Variants in DMD observed in about 807,000 individuals in gnomAD.
The protein encoded by DMD is dystrophin.
In DMD, 63 loss-of-function variants were observed where a neutral mutation model predicts 330.1. The ratio of observed to expected loss-of-function variants is 0.19; its 90% confidence interval spans 0.16 to 0.24. The LOEUF is 0.24. Ranked by LOEUF, DMD falls within the 10% of genes least tolerant of loss-of-function variation. The pLI is 1.00. For synonymous variants in DMD, 1,223 were observed against 959.8 expected (o/e 1.27, Z -5.07); for missense variants, 3,344 against 2,684.1 (o/e 1.25, Z -5.43).
intron 9 of DMD, among the ~76,000 whole-genome samples, chrX:32,664,640 G>A (rs1181735488): frequency 8.9e-6 from 1 of 112,137 alleles, no homozygotes; most frequent in Non-Finnish European, 1.9e-5. Flanking sequence ...GAAGGCTATA[G>A]TGAAACCTTA....
intron 56 of DMD, among the ~76,000 whole-genome samples, chrX:31,498,999 T>G (rs1182282560): frequency 8.9e-6 from 1 of 111,767 alleles, no homozygotes; most frequent in Non-Finnish European, 1.9e-5. Flanking sequence ...GCATGTAATG[T>G]GTAATGGTTA....
rs2093538344 is a variant in DMD, at chrX:33,009,335, TAC to T, written c.93+10802_93+10803del. ...GTGTGTATATGTGTATATGTGTATATACACGTGTATATACACATGTGTGTATA... is the reference window on the plus strand; with the variant it reads ...GTGTGTATATGTGTATATGTGTATATACGTGTATATACACATGTGTGTATA... On this transcript the variant is annotated intron_variant, in intron 2 of 78. Transcript: ENST00000357033. 1.8e-4 allele frequency among the ~76,000 whole-genome samples: 10 copies of T among 54,197 alleles called. 1 individual carries two copies. The highest frequency in any genetic ancestry group is 8.1e-4 in the African/African-American group (10 of 12,291). 47.1% of individuals were successfully genotyped at this position (54,197 alleles called of 115,157 possible).
chrX:31,973,225 C>T (rs1031210083), intron 44 of DMD, among the ~76,000 whole-genome samples: 3 of 102,811 alleles, frequency 2.9e-5, no homozygotes, highest in Non-Finnish European at 4.0e-5. Flanking sequence ...ATAGTCAGAA[C>T]AATTGAAAGA....
At chrX:32,388,341 C>CTTTTTTTTTTTT (rs3044988) in intron 32 of DMD, among the ~76,000 whole-genome samples, 837 of 78,292 alleles carry the variant, frequency 0.011, 27 homozygotes, top group African/African-American at 0.039. Flanking sequence ...TTATGCTTTC[C>CTTTTTTTTTTTT]TTTTTTTTTT....
At chrX:32,132,258 A>T (rs2096699406) in intron 44 of DMD, among the ~76,000 whole-genome samples, 1 of 112,112 alleles carries the variant, frequency 8.9e-6, no homozygotes, top group African/African-American at 3.2e-5. Flanking sequence ...ACTCTAAAAA[A>T]TGTGCAAGGA....
intron 2 of DMD, among the ~76,000 whole-genome samples, chrX:32,946,630 C>G (rs752158621): frequency 8.9e-6 from 1 of 112,310 alleles, no homozygotes; most frequent in South Asian, 3.6e-4. Flanking sequence ...TATAACAAAA[C>G]AGATATATCA....
intron 2 of DMD, among the ~76,000 whole-genome samples, chrX:32,857,372 A>G (rs1215510567): frequency 1.8e-5 from 2 of 112,209 alleles, no homozygotes; most frequent in Non-Finnish European, 3.8e-5. Context: ...CAAGAACTTC[A>G]TATCTAACCT....
At chrX:31,437,499 T>C (rs765824202) in intron 60 of DMD, among the ~76,000 whole-genome samples, 63 of 111,432 alleles carry the variant, frequency 5.7e-4, no homozygotes, top group Admixed American at 3.4e-3. Context: ...TGCTAGATTT[T>C]GAAAACTTTT....
intron 7 of DMD, among the ~76,000 whole-genome samples, chrX:32,732,208 G>T (rs751348600): frequency 1.8e-5 from 2 of 111,023 alleles, no homozygotes; most frequent in South Asian, 3.9e-4. Flanking sequence ...GGGAAGTTTA[G>T]AGGAAAAAGA....
intron 67 of DMD, among the ~76,000 whole-genome samples, chrX:31,186,893 C>T (rs1045694045): frequency 7.1e-5 from 8 of 112,589 alleles, no homozygotes; most frequent in African/African-American, 2.3e-4. Context: ...CTTACAGCCA[C>T]TACACCACCC....
Position 31,729,701 on chromosome X carries a change from G to T in DMD, c.7590C>A (p.Leu2530=). The change falls in exon 52 of 79, where the codon CTC becomes CTA. Residue 2530 remains leucine, a synonymous_variant. Transcript: ENST00000357033. ...TTTTCAAATTTTGGGCAGCGGTAAT[G>T]AGTTCTTCCAACTGGGGACGCCTCT... The part of the protein sequence containing the change: ...LEQRRPQLEE[L]ITAAQNLKNK... 1 of 1,211,596 alleles carries T rather than the reference G, an allele frequency of 8.3e-7. No individual in the cohort carries two copies.
At chrX:31,809,566 G>A (rs959723002) in intron 50 of DMD, among the ~76,000 whole-genome samples, 4 of 110,395 alleles carry the variant, frequency 3.6e-5, no homozygotes, top group African/African-American at 1.3e-4. Context: ...ACTCAGCATG[G>A]GCTGGCAAGC....
intron 67 of DMD, among the ~76,000 whole-genome samples, chrX:31,191,371 A>T (rs1200318088): frequency 9.8e-5 from 11 of 112,046 alleles, no homozygotes. Context: ...CAAACCACAG[A>T]TTTTTAAAAA....
intron 2 of DMD, among the ~76,000 whole-genome samples, chrX:32,951,762 T>C (rs1259098731): frequency 1.2e-4 from 13 of 112,025 alleles, no homozygotes; most frequent in Non-Finnish European, 2.3e-4. Context: ...TATTTTTATA[T>C]TTCTTTGAAA....
chrX:31,834,478 C>T (rs773896040), intron 49 of DMD, among the ~76,000 whole-genome samples: 24 of 111,758 alleles, frequency 2.1e-4, no homozygotes, highest in Non-Finnish European at 4.3e-4. Context: ...TCGCTCGTGT[C>T]GCCCAGGCTG....
At chrX:33,107,897 A>G (rs1279534624) in intron 1 of DMD, among the ~76,000 whole-genome samples, 1 of 111,691 alleles carries the variant, frequency 9.0e-6, no homozygotes, top group African/African-American at 3.2e-5. Context: ...CTTAAATGAT[A>G]CTATTCTCCG....
chrX:31,992,394 G>A (rs770271243), intron 44 of DMD, among the ~76,000 whole-genome samples: 58 of 111,548 alleles, frequency 5.2e-4, no homozygotes, highest in Non-Finnish European at 8.5e-4. Flanking sequence ...GCCTCCATGA[G>A]CAGGCCATTA....
intron 44 of DMD, among the ~76,000 whole-genome samples, chrX:32,135,673 A>G (rs778286410): frequency 1.8e-5 from 2 of 112,588 alleles, no homozygotes; most frequent in African/African-American, 6.4e-5. Flanking sequence ...TGAGCCATGA[A>G]TGCACCACTG....
At chrX:31,938,154 A>C in intron 45 of DMD, among the ~76,000 whole-genome samples, 1 of 111,956 alleles carries the variant, frequency 8.9e-6, no homozygotes, top group Non-Finnish European at 1.9e-5. Flanking sequence ...ACATGGCATG[A>C]TTTTGGTGAG....
Sources: allele counts gnomAD v4.1 joint callset (sites outside exome capture counted in the v4.1 genomes callset), GRCh38; gene constraint gnomAD v4.1.1; transcripts MANE v1.5; gene names NCBI Gene and HGNC (gene_info 2026-07-23, HGNC 2026-07-21).